The following TMEM150C variants were observed in gnomAD, a reference collection of about 807,000 sequenced individuals.
The protein encoded by TMEM150C is transmembrane protein 150C.
Under a neutral mutation model 29.9 loss-of-function variants are expected in TMEM150C, and 10 were observed. The ratio of observed to expected loss-of-function variants is 0.33; its 90% CI spans 0.21 to 0.57. The LOEUF (loss-of-function observed/expected upper bound fraction) is 0.57, where lower values mean the gene tolerates loss of function less well. Ranked by LOEUF, TMEM150C falls within the 20% of genes least tolerant of loss-of-function variation. TMEM150C has a pLI of 0.88. For synonymous variants in TMEM150C, 101 were observed against 112.5 expected, an observed-to-expected ratio of 0.90 and a Z score of 0.64; for missense variants, 251 against 303.6, an observed-to-expected ratio of 0.83 and a Z score of 1.29.
intron 7 of TMEM150C, 75 bp downstream of exon 7, chr4:82,489,986 C>A: frequency 1.4e-6 from 2 of 1,426,644 alleles, no homozygotes; most frequent in Non-Finnish European, 9.7e-7. Flanking sequence ...TCCTAACCCA[C>A]TGGGTTCTTC....
At chr4:82,511,472 ATTTTTTTTT>A (rs397935719) in intron 1 of TMEM150C, among the ~76,000 whole-genome samples, 1 of 106,390 alleles carries the variant, frequency 9.4e-6, no homozygotes, top group African/African-American at 3.9e-5. Context: ...TCCCAACACT[ATTTTTTTTT>A]TTTTTTTTTT....
At chr4:82,512,023 T>C (rs570549549) in intron 1 of TMEM150C, among the ~76,000 whole-genome samples, 1 of 152,356 alleles carries the variant, frequency 6.6e-6, no homozygotes, top group South Asian at 2.1e-4. Context: ...CTATAGGTCA[T>C]GAGTTGTTAA....
At chr4:82,535,989 G>A (rs1033695571) in intron 1 of TMEM150C, among the ~76,000 whole-genome samples, 3 of 152,064 alleles carry the variant, frequency 2.0e-5, no homozygotes, top group African/African-American at 7.2e-5. Context: ...TCCCAGGCCG[G>A]GTTGGGAGTG....
At chr4:82,555,024 T>G (rs766884716) in intron 1 of TMEM150C, among the ~76,000 whole-genome samples, 2 of 152,242 alleles carry the variant, frequency 1.3e-5, no homozygotes, top group Non-Finnish European at 2.9e-5. Context: ...CTAGTCTACC[T>G]GACAAAGTCT....
chr4:82,503,194 A>T, intron 2 of TMEM150C, 82 bp from the exon 3 acceptor site: 2 of 944,060 alleles, frequency 2.1e-6, no homozygotes, highest in Non-Finnish European at 3.2e-6. Context: ...AACTAACTGC[A>T]CTAATTCATA....
chr4:82,510,444 A>C (rs1004990517), intron 1 of TMEM150C, among the ~76,000 whole-genome samples: 2 of 152,162 alleles, frequency 1.3e-5, no homozygotes, highest in Non-Finnish European at 2.9e-5. Context: ...TATAGTTCAC[A>C]GACTCTGGAG....
At chr4:82,490,382 C>T (rs2110062414) in intron 6 of TMEM150C, 144 bp from the exon 7 acceptor site, 4 of 745,678 alleles carry the variant, frequency 5.4e-6, no homozygotes, top group Non-Finnish European at 9.0e-6. Context: ...ATTAGCTCTT[C>T]GTTCTATTCT....
Position 82,518,952 on chromosome 4 carries a change from C to T in TMEM150C, c.-10-14285G>A, listed in dbSNP as rs565813996. ...TTGGATTCTCAAATCAGTTATACTC[C>T]CCCCAATATCTTGACTTGTTCCTCG... On this transcript the variant is annotated intron_variant, in intron 1 of 7. Transcript: ENST00000449862. 2.6e-5 allele frequency among the ~76,000 whole-genome samples: 4 copies of T among 152,216 alleles called. No homozygotes were observed. The South Asian group carries it at 8.3e-4, about 32-fold the overall frequency.
intron 1 of TMEM150C, among the ~76,000 whole-genome samples, chr4:82,543,803 G>A (rs1560498163): frequency 6.6e-6 from 1 of 152,082 alleles, no homozygotes. Flanking sequence ...TTCTCTCAAG[G>A]AAAAATCAAG....
chr4:82,547,373 G>A (rs959437320), intron 1 of TMEM150C, among the ~76,000 whole-genome samples: 2 of 152,060 alleles, frequency 1.3e-5, no homozygotes, highest in Non-Finnish European at 2.9e-5. Flanking sequence ...CGGATCATTT[G>A]AGGTCAGGAG....
At chr4:82,539,625 T>G (rs556631933) in intron 1 of TMEM150C, among the ~76,000 whole-genome samples, 2 of 152,264 alleles carry the variant, frequency 1.3e-5, no homozygotes, top group East Asian at 3.9e-4. Context: ...GCTAATTTTT[T>G]GTATTTTTAG....
intron 5 of TMEM150C, among the ~76,000 whole-genome samples, chr4:82,496,533 GTGT>G (rs1326876355): frequency 1.3e-5 from 2 of 152,212 alleles, no homozygotes; most frequent in African/African-American, 4.8e-5. Flanking sequence ...ACTATGAATA[GTGT>G]TGTTCTCAGA....
chr4:82,515,651 C>T lies in TMEM150C; in HGVS notation c.-10-10984G>A, dbSNP rs571890480. Among the ~76,000 whole-genome samples the T allele has an allele frequency of 2.6e-5, 4 of 151,800 alleles. No homozygotes were observed. The East Asian group carries it at 5.8e-4, about 22-fold the overall frequency. On this transcript the variant is annotated intron_variant, in intron 1 of 7. Coordinates refer to ENST00000449862, the MANE Select transcript of TMEM150C (RefSeq NM_001080506.3). ...ACTTGGGAGGCTGAGGCAGGAGAAT[C>T]GCTTGAACCCAGGAGGCAGAGGTTG...
chr4:82,498,168 C>G (rs1723617630), intron 5 of TMEM150C, among the ~76,000 whole-genome samples: 1 of 151,920 alleles, frequency 6.6e-6, no homozygotes, highest in East Asian at 1.9e-4. Flanking sequence ...GCCCATGCCA[C>G]CACACCCAGC....
At position 82,485,019 on chromosome 4, in the gene TMEM150C, G is replaced by A. The variant is rs2110059163; in HGVS notation, c.*492C>T. 1 of 154,744 alleles carries A rather than the reference G, an allele frequency of 6.5e-6. No individual in the cohort carries two copies. The highest frequency in any genetic ancestry group is 1.9e-4 in the East Asian group (1 of 5,292). 9.6% of individuals were successfully genotyped at this position (154,744 alleles called of 1,614,324 possible). ...TATGCCTTTCCACAGGCGACACAGG[G>A]TCACATCTCAATACAATTTCCGTCC... On this transcript the variant is annotated 3_prime_UTR_variant, in exon 8 of 8. Coordinates refer to ENST00000449862, the MANE Select transcript of TMEM150C (RefSeq NM_001080506.3).
intron 1 of TMEM150C, among the ~76,000 whole-genome samples, chr4:82,552,619 A>G (rs1009050468): frequency 3.3e-5 from 5 of 152,164 alleles, no homozygotes; most frequent in Admixed American, 6.5e-5. Context: ...GTAGAGCACA[A>G]TGAAATCATC....
chr4:82,527,617 C>T (rs1724697553), intron 1 of TMEM150C, among the ~76,000 whole-genome samples: 1 of 152,204 alleles, frequency 6.6e-6, no homozygotes, highest in Admixed American at 6.5e-5. Flanking sequence ...TGGTAGGTTG[C>T]TTCCCTGTGC....
chr4:82,540,405 C>T (rs1001008839), intron 1 of TMEM150C, among the ~76,000 whole-genome samples: 5 of 151,712 alleles, frequency 3.3e-5, no homozygotes, highest in African/African-American at 9.7e-5. Flanking sequence ...TGAGCAACCG[C>T]GCCTGGCTAT....
intron 1 of TMEM150C, among the ~76,000 whole-genome samples, chr4:82,542,217 T>C (rs1165337831): frequency 5.3e-5 from 8 of 152,180 alleles, no homozygotes; most frequent in Admixed American, 2.0e-4. Flanking sequence ...GTAAGGTTTA[T>C]GGAATAAGTG....
Sources: allele counts gnomAD v4.1 joint callset (sites outside exome capture counted in the v4.1 genomes callset), GRCh38; gene constraint gnomAD v4.1.1; transcripts MANE v1.5; gene names NCBI Gene and HGNC (gene_info 2026-07-23, HGNC 2026-07-21).